SFTPD: variants seen among roughly 807,000 people sequenced by gnomAD.
The protein encoded by SFTPD is surfactant protein D, also known as pulmonary surfactant-associated protein D.
In SFTPD, 18 loss-of-function variants were observed where a neutral mutation model predicts 34.6. The observed-to-expected ratio is 0.52, with a 90% CI of 0.36 to 0.77. SFTPD has a LOEUF of 0.77. SFTPD is among the 30% of genes least tolerant of loss of function. The pLI is 0.00. For synonymous variants in SFTPD, 155 were observed against 180.9 expected (o/e 0.86, Z 1.15); for missense variants, 433 against 468.9 (o/e 0.92, Z 0.71).
intron 1 of SFTPD, among the ~76,000 whole-genome samples, chr10:79,956,985 C>T (rs965611157): frequency 6.6e-6 from 1 of 151,288 alleles, no homozygotes; most frequent in South Asian, 2.2e-4. Context: ...GCAGCATTTG[C>T]GGTTCACCAA....
chr10:79,962,204 G>T (rs966330128), intron 1 of SFTPD, among the ~76,000 whole-genome samples: 1 of 149,132 alleles, frequency 6.7e-6, no homozygotes, highest in Non-Finnish European at 1.5e-5. Flanking sequence ...TAAATGATGA[G>T]TTAATGGGTG....
intron 2 of SFTPD, among the ~76,000 whole-genome samples, chr10:79,944,751 T>TC (rs1288252738): frequency 6.6e-6 from 1 of 151,908 alleles, no homozygotes; most frequent in African/African-American, 2.4e-5. Context: ...AAGGAATTGT[T>TC]CCCCACAAAG....
At chr10:79,952,157 T>C (rs537621478), upstream of SFTPD, among the ~76,000 whole-genome samples, 1 of 152,322 alleles carries the variant, frequency 6.6e-6, no homozygotes, top group Non-Finnish European at 1.5e-5. Flanking sequence ...GCAGCTCTGA[T>C]ATTCATCTGC....
chr10:79,957,908 G>A (rs1377893348), intron 1 of SFTPD, among the ~76,000 whole-genome samples: 3 of 152,154 alleles, frequency 2.0e-5, no homozygotes, highest in South Asian at 2.1e-4. Context: ...GAGAAAGGTC[G>A]GGTTACCCAC....
upstream of SFTPD, chr10:79,950,974 T>C: frequency 6.6e-6 from 1 of 152,070 alleles, no homozygotes; most frequent in Non-Finnish European, 1.5e-5. Flanking sequence ...TCTAGTCTTT[T>C]GCTAAAAGTT....
At chr10:79,952,271 C>T (rs1842714613), upstream of SFTPD, among the ~76,000 whole-genome samples, 1 of 152,220 alleles carries the variant, frequency 6.6e-6, no homozygotes, top group Middle Eastern at 3.2e-3. Context: ...AGTGCAGCTG[C>T]CCCCAGGAGC....
At chr10:79,943,720 C>T (rs1186107960) in intron 2 of SFTPD, among the ~76,000 whole-genome samples, 1 of 152,188 alleles carries the variant, frequency 6.6e-6, no homozygotes. Flanking sequence ...GAATTCCATG[C>T]CCAGTGGAAT....
Position 79,938,226 on chromosome 10 carries a change from C to A in SFTPD, c.754G>T (p.Glu252Ter). 6.3e-7 allele frequency: 1 copy of A among 1,587,148 alleles called. No homozygotes were observed. The highest frequency in any genetic ancestry group is 8.6e-7 in the Non-Finnish European group (1 of 1,161,618). ...ACACTTTGGCCATTTGGGAAGAGCT[C>A]AACTAGGAGAAGAAGAAAGTCAGGT... ...QAAFSQYKKV[E>*]LFPNGQSVGE... The change falls in exon 8 of 8, where the codon GAG becomes TAG. Residue 252 changes from glutamate to a stop codon, truncating the protein, a stop_gained and splice_region_variant. Transcript: ENST00000372292. LOFTEE classifies it low-confidence loss of function (END_TRUNC).
intron 7 of SFTPD, among the ~76,000 whole-genome samples, chr10:79,939,580 G>A (rs1213305874): frequency 6.6e-6 from 1 of 151,690 alleles, no homozygotes; most frequent in African/African-American, 2.4e-5. Context: ...TGGAGTGAGT[G>A]ATGGTGTTTA....
chr10:79,946,733 T>C, intron 1 of SFTPD, 71 bp from the exon 2 acceptor site: 1 of 1,408,220 alleles, frequency 7.1e-7, no homozygotes, highest in African/African-American at 1.4e-5. Flanking sequence ...TTGGCTCAGC[T>C]TCTAGAGGTG....
At chr10:79,942,183 G>A (rs1842619882) in intron 4 of SFTPD, 113 bp from the exon 5 acceptor site, 2 of 813,604 alleles carry the variant, frequency 2.5e-6, no homozygotes, top group East Asian at 4.9e-5. Flanking sequence ...GAGAAGTGGG[G>A]AGACTCTCCT....
chr10:79,948,163 C>A (rs1425020507), intron 1 of SFTPD, among the ~76,000 whole-genome samples: 1 of 152,230 alleles, frequency 6.6e-6, no homozygotes, highest in East Asian at 1.9e-4. Flanking sequence ...TCACTGCCAG[C>A]AGCGGCTACC....
At position 79,941,930 on chromosome 10, in the gene SFTPD, A is replaced by T. The variant is rs541588817; in HGVS notation, c.550+24T>A. On this transcript the variant is annotated intron_variant, in intron 5 of 7. Transcript: ENST00000372292. ...GGCACAGGAGAACTGGACCCAGCCC[A>T]GCCCAGCTCTTTCCACTGCTCACCT... 203 of 1,496,184 alleles carry T rather than the reference A, an allele frequency of 1.4e-4. 1 individual carries two copies. In the East Asian group the frequency reaches 3.9e-3, roughly 29 times the overall value. The allele number at this position is 1,496,184 out of a possible 1,614,324, so 92.7% of individuals were successfully genotyped here.
At chr10:79,982,271 CG>C (rs1842895722) in intron 1 of SFTPD, 2 of 965,330 alleles carry the variant, frequency 2.1e-6, no homozygotes, top group Non-Finnish European at 2.7e-6. Flanking sequence ...CGGGGGCGCT[CG>C]GGCCACCGCG....
At chr10:79,963,026 T>A (rs1221304509) in intron 1 of SFTPD, among the ~76,000 whole-genome samples, 6 of 152,148 alleles carry the variant, frequency 3.9e-5, no homozygotes, top group Non-Finnish European at 8.8e-5. Flanking sequence ...CCTTTCCTTA[T>A]TCCTGGTGTC....
intron 1 of SFTPD, chr10:79,968,539 C>T (rs1409876035): frequency 2.0e-5 from 3 of 152,172 alleles, no homozygotes; most frequent in Non-Finnish European, 4.4e-5. Flanking sequence ...TGTATGTATA[C>T]CACAGTTTCA....
intron 1 of SFTPD, among the ~76,000 whole-genome samples, chr10:79,967,305 A>G (rs1283956424): frequency 5.8e-5 from 7 of 121,342 alleles, no homozygotes; most frequent in Admixed American, 5.2e-4. Context: ...ATAAAAGAGG[A>G]CACAAACAAA....
At chr10:79,957,840 C>T (rs1842748837) in intron 1 of SFTPD, among the ~76,000 whole-genome samples, 1 of 152,094 alleles carries the variant, frequency 6.6e-6, no homozygotes, top group Admixed American at 6.6e-5. Flanking sequence ...CTCCAAGACA[C>T]ATAATTGTCA....
rs754871606 is a variant in SFTPD at position 79,942,415 on chromosome 10, C to T, written c.406G>A (p.Gly136Ser). The T allele has an allele frequency of 1.2e-6, 2 of 1,612,836 alleles. No homozygotes were observed. The highest frequency in any genetic ancestry group is 1.7e-6 in the Non-Finnish European group (2 of 1,178,918). ...TTGGGCCCAGCTTCTCCTTTTGGGC[C>T]TGGCTTGCCCTGAGGTCCTATGTTC... ...QGNIGPQGKP[G>S]PKGEAGPKGE... Residue 136 changes from glycine (G) to serine (S), a missense_variant, in exon 4 of 8, where the codon GGC becomes AGC. Coordinates refer to ENST00000372292, the MANE Select transcript of SFTPD (RefSeq NM_003019.5).
Sources: allele counts gnomAD v4.1 joint callset (sites outside exome capture counted in the v4.1 genomes callset), GRCh38; gene constraint gnomAD v4.1.1; transcripts MANE v1.5; gene names NCBI Gene and HGNC (gene_info 2026-07-23, HGNC 2026-07-21).